Variants in RABGAP1L observed in about 807,000 individuals in gnomAD.
RABGAP1L encodes the protein RAB GTPase activating protein 1 like.
RABGAP1L carries 63 observed loss-of-function variants against 137.7 expected under a neutral mutation model. The ratio of observed to expected loss-of-function variants is 0.46; its 90% CI spans 0.37 to 0.56. The LOEUF is 0.56. Among genes scored for constraint, RABGAP1L ranks in the 20% least tolerant of loss-of-function variants. The pLI, the probability that RABGAP1L is intolerant of heterozygous loss-of-function variation, is 0.00. For missense variants in RABGAP1L, 1,095 were observed against 1,244.0 expected (o/e 0.88, Z 1.80); for synonymous variants, 431 against 433.7 (o/e 0.99, Z 0.08).
chr1:174,652,569 T>G (rs1337692754), intron 14 of RABGAP1L, among the ~76,000 whole-genome samples: 2 of 152,238 alleles, frequency 1.3e-5, no homozygotes, highest in African/African-American at 4.8e-5. Flanking sequence ...GCTACAGGTC[T>G]GCTGGAGTTT....
At chr1:174,967,655 T>A (rs1260375528) in intron 20 of RABGAP1L, among the ~76,000 whole-genome samples, 1 of 151,924 alleles carries the variant, frequency 6.6e-6, no homozygotes, top group Non-Finnish European at 1.5e-5. Context: ...AGCTAATTTT[T>A]AAAAATTTTT....
At chr1:174,336,884 TGAGA>T (rs548436890) in intron 11 of RABGAP1L, among the ~76,000 whole-genome samples, 23 of 96,734 alleles carry the variant, frequency 2.4e-4, no homozygotes, top group Admixed American at 1.5e-3. Flanking sequence ...TGTGTGTGTG[TGAGA>T]GAGAGAGAGA....
chr1:174,504,285 C>G (rs1169141308), intron 13 of RABGAP1L, among the ~76,000 whole-genome samples: 1 of 151,870 alleles, frequency 6.6e-6, no homozygotes, highest in Non-Finnish European at 1.5e-5. Context: ...ACTCAACACC[C>G]TTTATCAAAA....
chr1:174,550,923 T>TATATATATACACATATATATACACAC (rs1666426375), intron 13 of RABGAP1L, among the ~76,000 whole-genome samples: 2 of 53,256 alleles, frequency 3.8e-5, no homozygotes, highest in Admixed American at 1.7e-4. Flanking sequence ...CACACACACA[T>TATATATATACACATATATATACACAC]ATATATATAC....
chr1:174,482,918 T>G (rs570287917), intron 13 of RABGAP1L, among the ~76,000 whole-genome samples: 1 of 152,298 alleles, frequency 6.6e-6, no homozygotes, highest in Non-Finnish European at 1.5e-5. Flanking sequence ...AATGAAAAAA[T>G]AGAATTGATA....
intron 13 of RABGAP1L, among the ~76,000 whole-genome samples, chr1:174,600,319 C>T (rs1006878132): frequency 2.0e-5 from 3 of 152,096 alleles, no homozygotes; most frequent in Admixed American, 6.5e-5. Context: ...TCTTTCTGCC[C>T]CTGGCCCTTC....
intron 14 of RABGAP1L, among the ~76,000 whole-genome samples, chr1:174,639,676 C>A (rs954594731): frequency 2.6e-5 from 4 of 152,006 alleles, no homozygotes; most frequent in African/African-American, 9.7e-5. Context: ...CAGCTTCTGA[C>A]TTAACATTTT....
At chr1:174,537,776 T>C (rs1189445514) in intron 13 of RABGAP1L, among the ~76,000 whole-genome samples, 1 of 152,190 alleles carries the variant, frequency 6.6e-6, no homozygotes, top group Non-Finnish European at 1.5e-5. Context: ...TGTATCAAGA[T>C]CTTTTAAAGA....
intron 7 of RABGAP1L, among the ~76,000 whole-genome samples, chr1:174,253,750 T>TA (rs1226724682): frequency 2.6e-5 from 4 of 152,194 alleles, no homozygotes; most frequent in African/African-American, 9.6e-5. Flanking sequence ...AATCAGTACT[T>TA]CAGTCAAACA....
At chr1:174,267,814 AAG>A (rs1412707585) in intron 7 of RABGAP1L, among the ~76,000 whole-genome samples, 1 of 152,224 alleles carries the variant, frequency 6.6e-6, no homozygotes, top group Non-Finnish European at 1.5e-5. Flanking sequence ...AACTGAAAGT[AAG>A]AGAGTTTTTG....
chr1:174,608,606 C>T (rs77708840), intron 13 of RABGAP1L, among the ~76,000 whole-genome samples: 69 of 152,172 alleles, frequency 4.5e-4, no homozygotes, highest in Admixed American at 1.2e-3. Flanking sequence ...GAGGAAATTA[C>T]ACAAAAGCCT....
intron 3 of RABGAP1L, among the ~76,000 whole-genome samples, chr1:174,224,290 A>T (rs993689126): frequency 3.0e-4 from 46 of 152,192 alleles, no homozygotes; most frequent in African/African-American, 1.1e-3. Context: ...AGCCTGGCCA[A>T]CATGGTGACA....
chr1:174,557,650 G>C (rs539710889), intron 13 of RABGAP1L, among the ~76,000 whole-genome samples: 2 of 152,326 alleles, frequency 1.3e-5, no homozygotes, highest in Non-Finnish European at 2.9e-5. Context: ...GATCCCAGTG[G>C]TTTCTTTAGC....
chr1:174,490,500 A>G (rs776610077), intron 13 of RABGAP1L, among the ~76,000 whole-genome samples: 1 of 152,126 alleles, frequency 6.6e-6, no homozygotes, highest in Non-Finnish European at 1.5e-5. Flanking sequence ...GGTTACCACC[A>G]CTGGGATTGC....
At chr1:174,375,696 T>TTGAATTC (rs1685463790) in intron 12 of RABGAP1L, among the ~76,000 whole-genome samples, 1 of 152,120 alleles carries the variant, frequency 6.6e-6, no homozygotes. Context: ...GTTGACAAAA[T>TTGAATTC]TGAATTCATA....
In RABGAP1L at chr1:174,479,118, C is replaced by T. The variant is rs561622198; in HGVS notation, c.1710+84973C>T. Among the ~76,000 whole-genome samples, 40 of 152,334 alleles carry T rather than the reference C, an allele frequency of 2.6e-4. No homozygotes were observed. In the East Asian group the frequency reaches 6.9e-3, roughly 26 times the overall value. On this transcript the variant is annotated intron_variant, in intron 13 of 25. Transcript: ENST00000681986. Reference sequence around the variant, plus strand: ...AAGGCTTTAATGCAAATACCAATCACTTGGGGATCTTGCTAAAATGTAAGT... The same window carrying T: ...AAGGCTTTAATGCAAATACCAATCATTTGGGGATCTTGCTAAAATGTAAGT...
intron 23 of RABGAP1L, 44 bp from the exon 24 acceptor site, chr1:174,982,790 G>A: frequency 6.6e-7 from 1 of 1,525,152 alleles, no homozygotes; most frequent in Non-Finnish European, 8.9e-7. Context: ...CATGCTGCAA[G>A]AGTTGTTCTG....
At chr1:174,486,275 T>A (rs540912751) in intron 13 of RABGAP1L, among the ~76,000 whole-genome samples, 2 of 151,358 alleles carry the variant, frequency 1.3e-5, no homozygotes, top group East Asian at 3.9e-4. Context: ...GTTTAACTTT[T>A]AAAAAAACAA....
intron 17 of RABGAP1L, among the ~76,000 whole-genome samples, chr1:174,731,638 C>G (rs1793308): frequency 0.19 from 28,768 of 152,196 alleles, 3,528 homozygotes; most frequent in East Asian, 0.39. Context: ...TTCCTGGCTT[C>G]CATCTTCACA....
Sources: gnomAD v4.1 joint callset for allele counts (sites outside exome capture counted in the v4.1 genomes callset) on GRCh38, gnomAD v4.1.1 for gene constraint, MANE v1.5 for transcripts, NCBI Gene and HGNC (gene_info 2026-07-23, HGNC 2026-07-21) for gene names.